SCFD2: variants seen among roughly 807,000 people sequenced by gnomAD.
The protein encoded by SCFD2 is sec1 family domain-containing protein 2.
SCFD2 carries 54 observed loss-of-function variants against 58.9 expected under a neutral mutation model. The observed-to-expected ratio is 0.92, with a 90% CI of 0.74 to 1.15. The LOEUF (loss-of-function observed/expected upper bound fraction) is 1.15. SCFD2 is among the 50% of genes most tolerant of loss of function. The pLI is 0.00. For missense variants in SCFD2, 805 were observed against 836.6 expected (o/e 0.96, Z 0.47); for synonymous variants, 321 against 335.9 (o/e 0.96, Z 0.49).
intron 5 of SCFD2, among the ~76,000 whole-genome samples, chr4:53,052,893 A>G (rs2148833332): frequency 6.6e-6 from 1 of 152,300 alleles, no homozygotes; most frequent in South Asian, 2.1e-4. Context: ...ACAAAAGAGC[A>G]CACGCTGTAT....
chr4:53,098,008 T>C (rs1724710356), intron 5 of SCFD2, among the ~76,000 whole-genome samples: 1 of 152,240 alleles, frequency 6.6e-6, no homozygotes, highest in African/African-American at 2.4e-5. Context: ...GTTTACATGC[T>C]GGTTTACGTT....
At chr4:53,185,348 T>A (rs1727705027) in intron 4 of SCFD2, among the ~76,000 whole-genome samples, 1 of 152,114 alleles carries the variant, frequency 6.6e-6, no homozygotes, top group Non-Finnish European at 1.5e-5. Flanking sequence ...AATAGGAAAC[T>A]AACATTTTAG....
At chr4:53,099,137 T>C (rs569466164) in intron 5 of SCFD2, among the ~76,000 whole-genome samples, 11 of 152,188 alleles carry the variant, frequency 7.2e-5, no homozygotes, top group Non-Finnish European at 1.2e-4. Flanking sequence ...ACTGGTACTA[T>C]TGCTTCTATC....
At chr4:52,962,458 G>C (rs1048401697) in intron 5 of SCFD2, among the ~76,000 whole-genome samples, 1 of 152,156 alleles carries the variant, frequency 6.6e-6, no homozygotes, top group Non-Finnish European at 1.5e-5. Flanking sequence ...TTATTGAGTT[G>C]AAATAGTCTT....
chr4:52,879,936 C>T (rs1266177122), intron 8 of SCFD2, among the ~76,000 whole-genome samples: 1 of 152,212 alleles, frequency 6.6e-6, no homozygotes, highest in Admixed American at 6.5e-5. Context: ...TGCACAGGCA[C>T]CAACATGCAT....
At chr4:52,913,458 G>C (rs1243757375) in intron 6 of SCFD2, among the ~76,000 whole-genome samples, 2 of 152,154 alleles carry the variant, frequency 1.3e-5, no homozygotes, top group Non-Finnish European at 1.5e-5. Context: ...TCTAATGTCT[G>C]ATGGCCTGTC....
chr4:52,886,271 C>T (rs947424205), intron 7 of SCFD2, among the ~76,000 whole-genome samples: 6 of 152,136 alleles, frequency 3.9e-5, no homozygotes, highest in Non-Finnish European at 7.4e-5. Flanking sequence ...CCATTCTGAG[C>T]CCATAAAAGC....
chr4:53,214,178 G>C (rs1728726179), intron 4 of SCFD2, among the ~76,000 whole-genome samples: 1 of 152,058 alleles, frequency 6.6e-6, no homozygotes, highest in African/African-American at 2.4e-5. Flanking sequence ...CCCAGTAATG[G>C]GATGGCTAGG....
intron 5 of SCFD2, among the ~76,000 whole-genome samples, chr4:52,924,466 C>T (rs1719815883): frequency 6.6e-6 from 1 of 152,128 alleles, no homozygotes. Flanking sequence ...CCTAAATTCA[C>T]AAATATAGTC....
At chr4:52,993,875 GT>G (rs1442780769) in intron 5 of SCFD2, among the ~76,000 whole-genome samples, 2 of 152,268 alleles carry the variant, frequency 1.3e-5, no homozygotes, top group African/African-American at 2.4e-5. Context: ...AGAGGGAAGT[GT>G]GGGAGATATT....
intron 7 of SCFD2, among the ~76,000 whole-genome samples, chr4:52,896,841 C>T (rs1719028425): frequency 1.3e-5 from 2 of 152,154 alleles, no homozygotes; most frequent in South Asian, 4.2e-4. Flanking sequence ...TTTCACTGAG[C>T]AGTGGTTTGT....
chr4:53,048,076 C>T (rs1311572125), intron 5 of SCFD2, among the ~76,000 whole-genome samples: 1 of 152,150 alleles, frequency 6.6e-6, no homozygotes, highest in Non-Finnish European at 1.5e-5. Context: ...CTAGGCTACG[C>T]GCAGTTGCTC....
At chr4:53,208,279 T>C (rs1420537503) in intron 4 of SCFD2, among the ~76,000 whole-genome samples, 1 of 152,074 alleles carries the variant, frequency 6.6e-6, no homozygotes, top group African/African-American at 2.4e-5. Flanking sequence ...CAGGTACTTC[T>C]TTATAGCAGT....
chr4:53,233,063 C>T (rs2149010195), intron 4 of SCFD2, among the ~76,000 whole-genome samples: 1 of 152,294 alleles, frequency 6.6e-6, no homozygotes, highest in South Asian at 2.1e-4. Context: ...TAGGCATAGG[C>T]TTCTTTCAGA....
Position 53,168,868 on chromosome 4 carries a change from C to A in SCFD2, c.1312-23286G>T, listed in dbSNP as rs73143473. Among the ~76,000 whole-genome samples, 1,383 of 152,280 alleles carry A rather than the reference C, an allele frequency of 9.1e-3. 19 individuals are homozygous for A. Among genetic ancestry groups the A allele is most frequent in the African/African-American group, 0.031 (1,307 of 41,556 alleles). On this transcript the variant is annotated intron_variant, in intron 4 of 8. Transcript: ENST00000401642. ...CATATTCTTCCTGTCTAAACTGAAA[C>A]TTTGTATCTTTTGACCAATATCTCT... is the stretch of plus-strand genomic sequence containing the variant.
chr4:53,365,458 G>A lies in SCFD2; in HGVS notation c.484C>T (p.Pro162Ser). ...GTCAAGGCAAAGTGGGGAGCAACAG[G>A]GGCAAGCAATAACGGGACATGGAAC... Reference protein sequence around the residue: ...EVFHVPLLLAPVAPHFALTPA... With the variant: ...EVFHVPLLLASVAPHFALTPA... Residue 162 changes from proline to serine, a missense_variant, in exon 1 of 9, where the codon CCT becomes TCT. This residue lies in a region of SCFD2 where 633 missense variants were observed against 646.8 expected (regional missense o/e 0.98). Transcript: ENST00000401642. The surrounding 1 kb of genome is among the most constrained non-coding windows in gnomAD (Gnocchi z 4.3). 2 of 1,614,162 alleles carry A rather than the reference G, an allele frequency of 1.2e-6. No individual in the cohort carries two copies. Among genetic ancestry groups the A allele is most frequent in the South Asian group, 2.2e-5 (2 of 91,088 alleles).
chr4:53,078,457 GA>G (rs1724046340), intron 5 of SCFD2, among the ~76,000 whole-genome samples: 1 of 152,156 alleles, frequency 6.6e-6, no homozygotes, highest in African/African-American at 2.4e-5. Context: ...CTTTGACAAA[GA>G]CACAATCTAT....
At chr4:52,948,528 T>G (rs1720500769) in intron 5 of SCFD2, 1 of 456,542 alleles carries the variant, frequency 2.2e-6, no homozygotes. Context: ...AAAATGCAAT[T>G]TAATCTGTAC....
chr4:53,227,215 T>C (rs1481138240), intron 4 of SCFD2, among the ~76,000 whole-genome samples: 1 of 152,264 alleles, frequency 6.6e-6, no homozygotes, highest in East Asian at 1.9e-4. Context: ...ACACCAATTA[T>C]AATTTCAGCC....
Sources: allele counts gnomAD v4.1 joint callset (sites outside exome capture counted in the v4.1 genomes callset), GRCh38; gene constraint gnomAD v4.1.1; regional missense constraint gnomAD v4.1.1; non-coding constraint Gnocchi (gnomAD v3.1); transcripts MANE v1.5; gene names NCBI Gene and HGNC (gene_info 2026-07-23, HGNC 2026-07-21).